KALRN: variants seen among roughly 807,000 people sequenced by gnomAD.
KALRN encodes kalirin RhoGEF kinase.
Under a neutral mutation model 353.7 loss-of-function variants are expected in KALRN, and 70 were observed. That is an observed-to-expected ratio of 0.20 (90% CI 0.16 to 0.24). The LOEUF is 0.24. KALRN is among the 10% of genes least tolerant of loss of function. KALRN has a pLI of 1.00. For synonymous variants in KALRN, 1,391 were observed against 1,434.8 expected (o/e 0.97, Z 0.69); for missense variants, 2,791 against 3,756.7 (o/e 0.74, Z 6.72).
At position 124,650,857 on chromosome 3, in the gene KALRN, G is replaced by A; in HGVS notation, c.5714G>A (p.Cys1905Tyr). 1 of 1,614,094 alleles carries A rather than the reference G, an allele frequency of 6.2e-7. No individual in the cohort carries two copies. ...GGGAGCTTGAAAGACCCTGCAGGCT[G>A]CCTGAATGAGGGGATGGCCCCACCC... is the stretch of plus-strand genomic sequence containing the variant. Reference protein sequence around the residue: ...YRGSLKDPAGCLNEGMAPPTP... With the variant: ...YRGSLKDPAGYLNEGMAPPTP... The change falls in exon 38 of 60, where the codon TGC (cysteine) becomes TAC (tyrosine). Residue 1905 changes from cysteine to tyrosine, a missense_variant. By Grantham distance (194) the Cys-to-Tyr change is radical (BLOSUM62 -2). Around this residue, in one of 11 missense-constraint regions of KALRN, gnomAD observed 1,065 missense variants for 1,156.4 expected, o/e 0.92. Coordinates refer to ENST00000682506, the MANE Select transcript of KALRN (RefSeq NM_001388419.1).
chr3:124,541,188 G>A (rs1314611195), intron 33 of KALRN, among the ~76,000 whole-genome samples: 1 of 152,154 alleles, frequency 6.6e-6, no homozygotes, highest in Admixed American at 6.5e-5. Context: ...GGTGGCTCAC[G>A]CCTGTAATCC....
At chr3:124,595,146 ATTAACACAAC>A (rs1163213403) in intron 34 of KALRN, among the ~76,000 whole-genome samples, 1 of 152,120 alleles carries the variant, frequency 6.6e-6, no homozygotes, top group Non-Finnish European at 1.5e-5. Context: ...GATAACTAGT[ATTAACACAAC>A]ATACATTCTT....
chr3:124,334,562 C>T lies in KALRN; in HGVS notation c.1647+67C>T. On this transcript the variant is annotated intron_variant, in intron 9 of 59. Coordinates refer to ENST00000682506, the MANE Select transcript of KALRN (RefSeq NM_001388419.1). This position sits in a 1 kb window ranked among gnomAD's most constrained non-coding sequence, Gnocchi z 4.2. Reference sequence around the variant, plus strand: ...AGGCAGACCGAGCTCAAGTCCCTGACCTAGGTGATCAGGCTTAGGAGAGCC... The same window carrying T: ...AGGCAGACCGAGCTCAAGTCCCTGATCTAGGTGATCAGGCTTAGGAGAGCC... 8.8e-7 allele frequency: 1 copy of T among 1,130,350 alleles called. No individual in the cohort carries two copies. The highest frequency in any genetic ancestry group is 1.3e-6 in the Non-Finnish European group (1 of 773,868). The allele number at this position is 1,130,350 out of a possible 1,614,324, so 70.0% of individuals were successfully genotyped here. A position where few individuals can be genotyped will look rare whatever the true frequency, so the allele number is the denominator to read the frequency against.
intron 10 of KALRN, among the ~76,000 whole-genome samples, chr3:124,383,376 AAG>A (rs1479656037): frequency 1.3e-5 from 2 of 152,218 alleles, no homozygotes; most frequent in Non-Finnish European, 2.9e-5. Flanking sequence ...ACAGTTCTGG[AAG>A]CTAGACATTT....
chr3:124,187,366 G>A (rs546437656), intron 1 of KALRN, among the ~76,000 whole-genome samples: 1 of 152,328 alleles, frequency 6.6e-6, no homozygotes, highest in Non-Finnish European at 1.5e-5. Context: ...ACAGGTGTGA[G>A]CCACCATATC....
intron 1 of KALRN, chr3:124,163,729 A>T (rs1168958572): frequency 1.0e-6 from 1 of 985,332 alleles, no homozygotes; most frequent in Non-Finnish European, 1.2e-6. Context: ...CCTTGCTCAT[A>T]GTTCTCACTA....
intron 1 of KALRN, among the ~76,000 whole-genome samples, chr3:124,057,218 C>T (rs1214451177): frequency 1.3e-5 from 2 of 152,154 alleles, no homozygotes; most frequent in African/African-American, 4.8e-5. Context: ...CTTAGTGCCT[C>T]CCACCATACC....
chr3:124,495,955 G>GTATATATATATATATATA (rs1448727495), intron 32 of KALRN, among the ~76,000 whole-genome samples: 1 of 27,464 alleles, frequency 3.6e-5, no homozygotes, highest in Non-Finnish European at 6.2e-5. Context: ...GTGTGTGTAT[G>GTATATATATATATATATA]TGTATGTATG....
chr3:124,381,472 T>A (rs2087369988), intron 10 of KALRN, among the ~76,000 whole-genome samples: 1 of 152,168 alleles, frequency 6.6e-6, no homozygotes, highest in African/African-American at 2.4e-5. Context: ...AAGACAGTTG[T>A]GATTGGGTCT....
At chr3:124,655,562 A>G in intron 38 of KALRN, 39 bp from the exon 39 acceptor site, 2 of 1,562,668 alleles carry the variant, frequency 1.3e-6, no homozygotes, top group Non-Finnish European at 1.8e-6. Context: ...TGGCTTAACA[A>G]TGAAGAGGAA....
rs2092108179 is a variant in KALRN at position 124,411,060 on chromosome 3, C to G, written c.2347-2410C>G. On this transcript the variant is annotated intron_variant, in intron 13 of 59. Transcript: ENST00000682506. ...CATACACACAGCAGCGTGGATGAAT[C>G]TTGATACAACATGTTGAACAAAAGC... is the stretch of plus-strand genomic sequence containing the variant. Among the ~76,000 whole-genome samples, 4 of 152,136 alleles carry G rather than the reference C, an allele frequency of 2.6e-5. No individual in the cohort carries two copies. In the South Asian group the frequency reaches 8.3e-4, roughly 32 times the overall value.
intron 25 of KALRN, among the ~76,000 whole-genome samples, chr3:124,467,545 T>C (rs2060463473): frequency 6.6e-6 from 1 of 152,174 alleles, no homozygotes. Flanking sequence ...CAGGGATGGC[T>C]TCCTTGATGA....
chr3:124,667,736 G>A (rs1447195078), intron 47 of KALRN, among the ~76,000 whole-genome samples: 2 of 152,192 alleles, frequency 1.3e-5, no homozygotes, highest in East Asian at 3.8e-4. Flanking sequence ...AAGAAAATTT[G>A]TGGTTACACA....
chr3:124,601,959 G>A (rs13097341), intron 34 of KALRN, among the ~76,000 whole-genome samples: 36,771 of 150,078 alleles, frequency 0.25, 4,679 homozygotes, highest in East Asian at 0.32. Context: ...GTGGGAGGCA[G>A]AGATTATAGT....
chr3:124,719,251 C>T lies in KALRN; in HGVS notation c.8742C>T (p.Phe2914=). ...GTGTGAGCAATGCTGCCAGAGATTT[C>T]ATCAATGTGATCTTACAGGAAGATT... ...FCGVSNAARD[F]INVILQEDFR... The change falls in exon 60 of 60, where the codon TTC becomes TTT. Residue 2914 remains phenylalanine (F), a synonymous_variant. Coordinates refer to ENST00000682506, the MANE Select transcript of KALRN (RefSeq NM_001388419.1). The surrounding 1 kb of genome is among the most constrained non-coding windows in gnomAD (Gnocchi z 5.3). The T allele has an allele frequency of 1.2e-6, 2 of 1,614,218 alleles. No homozygotes were observed. Among genetic ancestry groups the T allele is most frequent in the Non-Finnish European group, 1.7e-6 (2 of 1,180,046 alleles).
chr3:124,296,501 C>T (rs571990182), intron 5 of KALRN, among the ~76,000 whole-genome samples: 13 of 152,304 alleles, frequency 8.5e-5, no homozygotes, highest in African/African-American at 1.4e-4. Context: ...TCCTCGCCCT[C>T]GTCAGGATTT....
chr3:124,434,339 G>C lies in KALRN; in HGVS notation c.2862G>C (p.Thr954=). The C allele has an allele frequency of 6.2e-7, 1 of 1,613,088 alleles. No individual in the cohort carries two copies. The highest frequency in any genetic ancestry group is 1.1e-5 in the South Asian group (1 of 91,026). Residue 954 remains threonine, a synonymous_variant, in exon 17 of 60, where the codon ACG becomes ACC. Coordinates refer to ENST00000682506, the MANE Select transcript of KALRN (RefSeq NM_001388419.1). ...TTCATGCCACTTCCTTGCAGAAGAC[G>C]CACCAGAGTGCCCTGCAGGTACAGC... ...SLFHATSLQK[T]HQSALQVQQK...
chr3:124,552,015 G>T (rs1403807426), intron 33 of KALRN, among the ~76,000 whole-genome samples: 1 of 152,144 alleles, frequency 6.6e-6, no homozygotes, highest in African/African-American at 2.4e-5. Flanking sequence ...TATAAAATTG[G>T]ATGATAATGC....
At chr3:124,224,428 A>G (rs1241825085) in intron 1 of KALRN, among the ~76,000 whole-genome samples, 1 of 152,154 alleles carries the variant, frequency 6.6e-6, no homozygotes, top group Non-Finnish European at 1.5e-5. Context: ...AAAGTTTACA[A>G]GTTTGTGTTG....
Sources: gnomAD v4.1 joint callset for allele counts (sites outside exome capture counted in the v4.1 genomes callset) on GRCh38, gnomAD v4.1.1 for gene constraint, gnomAD v4.1.1 regional missense constraint, Gnocchi (gnomAD v3.1) non-coding constraint, MANE v1.5 for transcripts, NCBI Gene and HGNC (gene_info 2026-07-23, HGNC 2026-07-21) for gene names.